CDH12: variants seen among roughly 807,000 people sequenced by gnomAD.
CDH12 encodes the protein cadherin 12, also known as cadherin-12.
In CDH12, 41 loss-of-function variants were observed where a neutral mutation model predicts 74.1. That is an observed-to-expected ratio of 0.55 (90% CI 0.43 to 0.72). The LOEUF is 0.72. CDH12 is among the 30% of genes least tolerant of loss of function. The pLI is 0.00. For synonymous variants in CDH12, 399 were observed against 355.0 expected (o/e 1.12, Z -1.39); for missense variants, 945 against 977.2 (o/e 0.97, Z 0.44).
chr5:21,936,978 A>G (rs1174058869), intron 6 of CDH12, among the ~76,000 whole-genome samples: 1 of 152,224 alleles, frequency 6.6e-6, no homozygotes, highest in Non-Finnish European at 1.5e-5. Context: ...TTGTTTATAA[A>G]TTATCCATTC....
chr5:21,813,609 C>G (rs910771787), intron 9 of CDH12, among the ~76,000 whole-genome samples: 2 of 152,276 alleles, frequency 1.3e-5, no homozygotes, highest in African/African-American at 4.8e-5. Context: ...CTCTGCCTGG[C>G]GAGCCCGTCA....
chr5:22,298,318 C>T (rs1400271869), intron 3 of CDH12, among the ~76,000 whole-genome samples: 1 of 151,382 alleles, frequency 6.6e-6, no homozygotes, highest in Non-Finnish European at 1.5e-5. Context: ...GTATATATAA[C>T]CAACTGGTGG....
At position 22,599,817 on chromosome 5, in the gene CDH12, A is replaced by G. The variant is rs183064035; in HGVS notation, c.-522-94453T>C. ...GAATAATATATTTATAATGCACATC[A>G]TCTTTTGCCTTTAATCTGCAAAGAT... On this transcript the variant is annotated intron_variant, in intron 1 of 14. Transcript: ENST00000382254. 1.4e-4 allele frequency among the ~76,000 whole-genome samples: 21 copies of G among 152,306 alleles called. No individual in the cohort carries two copies. In the East Asian group the frequency reaches 3.7e-3, roughly 27 times the overall value.
chr5:22,384,298 G>A (rs1741895478), intron 3 of CDH12, among the ~76,000 whole-genome samples: 2 of 151,694 alleles, frequency 1.3e-5, no homozygotes, highest in South Asian at 2.1e-4. Context: ...GCCGAGGCGG[G>A]CGGATCACGA....
chr5:21,840,749 AT>A (rs1389894175), intron 8 of CDH12, among the ~76,000 whole-genome samples: 191 of 152,248 alleles, frequency 1.3e-3, no homozygotes, highest in Middle Eastern at 6.8e-3. Context: ...AAAACAAGCA[AT>A]TGGGGAAAGG....
At chr5:22,257,878 G>A (rs1360709989) in intron 3 of CDH12, among the ~76,000 whole-genome samples, 2 of 151,982 alleles carry the variant, frequency 1.3e-5, no homozygotes, top group African/African-American at 2.4e-5. Flanking sequence ...CAAGCTTAGC[G>A]TTCCAATAGT....
intron 3 of CDH12, among the ~76,000 whole-genome samples, chr5:22,268,641 G>A (rs1437041003): frequency 6.6e-6 from 1 of 151,978 alleles, no homozygotes; most frequent in Non-Finnish European, 1.5e-5. Context: ...AACATAGTTT[G>A]ATGATTCAAA....
intron 5 of CDH12, among the ~76,000 whole-genome samples, chr5:22,002,247 T>C (rs1736649390): frequency 1.3e-5 from 2 of 152,122 alleles, no homozygotes; most frequent in Admixed American, 1.3e-4. Context: ...CAAAGAAAAC[T>C]TACTATGAAC....
intron 5 of CDH12, among the ~76,000 whole-genome samples, chr5:21,977,134 T>C (rs553236948): frequency 5.3e-5 from 8 of 152,056 alleles, no homozygotes; most frequent in Non-Finnish European, 1.2e-4. Context: ...CCTGGTTGGG[T>C]AATATAATAA....
At chr5:22,820,314 T>A (rs1372073936) in intron 1 of CDH12, among the ~76,000 whole-genome samples, 2 of 152,054 alleles carry the variant, frequency 1.3e-5, no homozygotes, top group African/African-American at 4.8e-5. Flanking sequence ...CCCAACCGGA[T>A]CTCATCGTGA....
At chr5:22,749,145 G>A (rs1465117447) in intron 1 of CDH12, among the ~76,000 whole-genome samples, 1 of 152,210 alleles carries the variant, frequency 6.6e-6, no homozygotes, top group African/African-American at 2.4e-5. Flanking sequence ...CTGATGCATT[G>A]GCATATGAGT....
chr5:22,122,997 T>C (rs1040105050), intron 4 of CDH12, among the ~76,000 whole-genome samples: 1 of 152,200 alleles, frequency 6.6e-6, no homozygotes, highest in Admixed American at 6.5e-5. Flanking sequence ...TCATCCTAAA[T>C]ATCTGGGGAG....
chr5:22,399,812 A>T lies in CDH12; in HGVS notation c.-333+5445T>A, dbSNP rs528386116. ...ATGGTAAATGTGTTAGGGATATATA[A>T]CTTGAATTTTAATTTACAGATGTAA... On this transcript the variant is annotated intron_variant, in intron 3 of 14. Transcript: ENST00000382254. 1.3e-4 allele frequency among the ~76,000 whole-genome samples: 19 copies of T among 151,756 alleles called. No homozygotes were observed. The East Asian group carries it at 3.7e-3, about 29-fold the overall frequency.
Position 22,699,737 on chromosome 5 carries a change from A to G in CDH12, c.-523+153321T>C, listed in dbSNP as rs112041099. 7.5e-3 allele frequency among the ~76,000 whole-genome samples: 1,146 copies of G among 152,328 alleles called. 18 individuals are homozygous for G. Among genetic ancestry groups the G allele is most frequent in the African/African-American group, 0.027 (1,103 of 41,576 alleles). Reference sequence around the variant, plus strand: ...AGACATAAAATTACTTCTATTTTAGAAAGAATATTCTCTTCCTATAAGTAC... The same window carrying G: ...AGACATAAAATTACTTCTATTTTAGGAAGAATATTCTCTTCCTATAAGTAC... On this transcript the variant is annotated intron_variant, in intron 1 of 14. Coordinates refer to ENST00000382254, the MANE Select transcript of CDH12 (RefSeq NM_004061.5).
Position 22,042,893 on chromosome 5 carries a change from A to AG in CDH12, c.231+35552_231+35553insC, listed in dbSNP as rs796255642. The stretch of plus-strand genomic sequence containing the variant: ...TGACAGAGTGAGATTCTATCTCAAA[A>AG]AAAAAAAAAAAAAAAAAAATTCATA... On this transcript the variant is annotated intron_variant, in intron 5 of 14. Transcript: ENST00000382254. Among the ~76,000 whole-genome samples the AG allele has an allele frequency of 1.5e-3, 208 of 139,636 alleles. 2 individuals are homozygous for AG. Among genetic ancestry groups the AG allele is most frequent in the African/African-American group, 5.6e-3 (182 of 32,702 alleles). 91.6% of individuals were successfully genotyped at this position (139,636 alleles called of 152,430 possible).
chr5:21,933,363 A>G (rs1754930625), intron 6 of CDH12, among the ~76,000 whole-genome samples: 1 of 152,138 alleles, frequency 6.6e-6, no homozygotes, highest in African/African-American at 2.4e-5. Context: ...TTGGGCCTCA[A>G]ATACAGTGTT....
intron 4 of CDH12, among the ~76,000 whole-genome samples, chr5:22,080,882 T>C (rs1349298052): frequency 6.6e-6 from 1 of 152,078 alleles, no homozygotes. Context: ...TGGGTTCAAC[T>C]GATTCTTCTG....
chr5:22,754,646 CAG>C (rs1745793119), intron 1 of CDH12, among the ~76,000 whole-genome samples: 1 of 150,888 alleles, frequency 6.6e-6, no homozygotes, highest in Non-Finnish European at 1.5e-5. Flanking sequence ...GGACTGAAAG[CAG>C]AGACATAACG....
rs1579654629 is a variant in CDH12 at position 21,763,187 on chromosome 5, C to A, written c.1515+1791G>T. ...TGATGTCAGAAGATTAATGAGTCCC[C>A]ACATTATCAAATGGAAGAGTAGAGC... is the stretch of plus-strand genomic sequence containing the variant. On this transcript the variant is annotated intron_variant, in intron 12 of 14. Transcript: ENST00000382254. 2.0e-5 allele frequency among the ~76,000 whole-genome samples: 3 copies of A among 152,194 alleles called. No individual in the cohort carries two copies. In the East Asian group the frequency reaches 5.8e-4, roughly 29 times the overall value.
Sources: gnomAD v4.1 joint callset for allele counts (sites outside exome capture counted in the v4.1 genomes callset) on GRCh38, gnomAD v4.1.1 for gene constraint, MANE v1.5 for transcripts, NCBI Gene and HGNC (gene_info 2026-07-23, HGNC 2026-07-21) for gene names.